The following FRMD4B variants were observed in gnomAD, a reference collection of about 807,000 sequenced individuals.
FRMD4B encodes the protein FERM domain containing 4B, also known as FERM domain-containing protein 4B.
In FRMD4B, 74 loss-of-function variants were observed where a neutral mutation model predicts 141.5. That is an observed-to-expected ratio of 0.52 (90% CI 0.43 to 0.63). The LOEUF (loss-of-function observed/expected upper bound fraction) is 0.63. FRMD4B is among the 30% of genes least tolerant of loss of function. The pLI, the probability that FRMD4B is intolerant of heterozygous loss-of-function variation, is 0.00. For synonymous variants in FRMD4B, 506 were observed against 467.9 expected (o/e 1.08, Z -1.05); for missense variants, 1,366 against 1,253.4 (o/e 1.09, Z -1.36).
In FRMD4B at chr3:69,396,280, G is replaced by A. The variant is rs181913866; in HGVS notation, c.-1+36354C>T. 4.0e-3 allele frequency among the ~76,000 whole-genome samples: 611 copies of A among 152,272 alleles called. 9 individuals carry two copies. Among genetic ancestry groups the A allele is most frequent in the Non-Finnish European group, 6.1e-3 (412 of 68,032 alleles). Reference sequence around the variant, plus strand: ...CCAGCACTCTGGGAGGCCGAGGTGGGTGGATTGCTTGAGGTCGAGTTCTAG... The same window carrying A: ...CCAGCACTCTGGGAGGCCGAGGTGGATGGATTGCTTGAGGTCGAGTTCTAG... On this transcript the variant is annotated intron_variant, in intron 2 of 5. Transcript: ENST00000459638.
At chr3:69,282,792 C>T (rs140068439) in intron 5 of FRMD4B, among the ~76,000 whole-genome samples, 14 of 152,102 alleles carry the variant, frequency 9.2e-5, no homozygotes, top group African/African-American at 3.4e-4. Flanking sequence ...CGCCCACCAC[C>T]ACACCCAGCT....
intron 1 of FRMD4B, among the ~76,000 whole-genome samples, chr3:69,372,678 T>C (rs114635864): frequency 6.3e-4 from 96 of 151,932 alleles, no homozygotes; most frequent in Admixed American, 5.0e-3. Context: ...AACAAATAAA[T>C]AAATAAACAA....
intron 1 of FRMD4B, among the ~76,000 whole-genome samples, chr3:69,381,671 T>A (rs747691153): frequency 1.6e-4 from 24 of 152,174 alleles, no homozygotes; most frequent in Non-Finnish European, 2.2e-4. Context: ...AGCAAAGGGG[T>A]AATCTTATGA....
intron 1 of FRMD4B, among the ~76,000 whole-genome samples, chr3:69,519,349 G>C (rs1386146240): frequency 6.6e-6 from 1 of 152,086 alleles, no homozygotes; most frequent in Non-Finnish European, 1.5e-5. Context: ...AGGGAGTCTG[G>C]TATATCTAAG....
At chr3:69,425,381 G>C (rs1368407066) in intron 2 of FRMD4B, among the ~76,000 whole-genome samples, 2 of 152,162 alleles carry the variant, frequency 1.3e-5, no homozygotes, top group Admixed American at 1.3e-4. Context: ...CTCCCCAAAA[G>C]TGAAGAGAGA....
intron 19 of FRMD4B, 25 bp downstream of exon 19, chr3:69,187,745 C>A: frequency 6.3e-7 from 1 of 1,595,950 alleles, no homozygotes; most frequent in Non-Finnish European, 8.5e-7. Flanking sequence ...GGGGCATTAA[C>A]CTTACTGATG....
intron 11 of FRMD4B, among the ~76,000 whole-genome samples, chr3:69,206,747 T>C (rs577790215): frequency 2.0e-5 from 3 of 152,322 alleles, no homozygotes; most frequent in Admixed American, 1.3e-4. Flanking sequence ...TCTTTCCAGA[T>C]ATATTGGCAG....
chr3:69,250,196 C>G, intron 5 of FRMD4B, 97 bp from the exon 6 acceptor site: 9 of 834,642 alleles, frequency 1.1e-5, no homozygotes, highest in South Asian at 1.1e-4. Flanking sequence ...CTTGGCACCT[C>G]CAGTTTACGA....
chr3:69,194,959 A>G (rs2092884168), intron 16 of FRMD4B, 63 bp downstream of exon 16: 2 of 1,485,252 alleles, frequency 1.3e-6, no homozygotes, highest in African/African-American at 1.4e-5. Context: ...GAAAATGTCC[A>G]CTACACTCAG....
intron 2 of FRMD4B, among the ~76,000 whole-genome samples, chr3:69,401,684 G>T (rs1301588948): frequency 6.6e-6 from 1 of 151,970 alleles, no homozygotes; most frequent in Non-Finnish European, 1.5e-5. Context: ...TGATTAGCTG[G>T]GACCACACGT....
At chr3:69,493,982 T>G (rs904950024) in intron 1 of FRMD4B, among the ~76,000 whole-genome samples, 2 of 152,294 alleles carry the variant, frequency 1.3e-5, no homozygotes. Flanking sequence ...CCTCAAGCCA[T>G]CCTCTCACCT....
intron 19 of FRMD4B, among the ~76,000 whole-genome samples, chr3:69,183,241 G>A (rs2092727625): frequency 6.6e-6 from 1 of 152,018 alleles, no homozygotes; most frequent in Non-Finnish European, 1.5e-5. Flanking sequence ...AATGACCTAT[G>A]GATGCTAAAT....
At chr3:69,419,085 T>C (rs1029498723) in intron 2 of FRMD4B, among the ~76,000 whole-genome samples, 28 of 152,232 alleles carry the variant, frequency 1.8e-4, no homozygotes, top group Admixed American at 9.8e-4. Context: ...TGTGAAATGG[T>C]TGACAGCCAG....
rs2092889814 is a variant in FRMD4B at position 69,195,269 on chromosome 3, T to C, written c.1330A>G (p.Lys444Glu). 2 of 1,613,114 alleles carry C rather than the reference T, an allele frequency of 1.2e-6. No individual in the cohort carries two copies. The highest frequency in any genetic ancestry group is 3.3e-5 in the Admixed American group (2 of 59,798). The change falls in exon 15 of 23, where the codon AAA becomes GAA. Residue 444 changes from lysine (K) to glutamate (E), a missense_variant. Transcript: ENST00000398540. ...EKLLQEKLLK[K>E]VEELKKICLR... ...CAGATCTTCTTAAGCTCCTCAACTT[T>C]TTTCAGAAGTTTTTCTTGTAATAGT...
At chr3:69,396,635 AC>A (rs1704478178) in intron 2 of FRMD4B, among the ~76,000 whole-genome samples, 1 of 152,236 alleles carries the variant, frequency 6.6e-6, no homozygotes, top group Non-Finnish European at 1.5e-5. Flanking sequence ...AATCAAAACC[AC>A]AATGATATAC....
Position 69,169,106 on chromosome 3 carries a change from A to G in FRMD4B, c.*2755T>C, listed in dbSNP as rs2092562761. ...ACAAATATACAATAAATTAACTATT[A>G]TATCTGAGAGTGTTCGGCTAATGGG... On this transcript the variant is annotated 3_prime_UTR_variant, in exon 23 of 23. Coordinates refer to ENST00000398540, the MANE Select transcript of FRMD4B (RefSeq NM_015123.3). Among the ~76,000 whole-genome samples, 1 of 151,746 alleles carries G rather than the reference A, an allele frequency of 6.6e-6. No individual in the cohort carries two copies. Among genetic ancestry groups the G allele is most frequent in the South Asian group, 2.1e-4 (1 of 4,828 alleles).
intron 12 of FRMD4B, 179 bp downstream of exon 12, chr3:69,198,519 G>T: frequency 1.7e-6 from 1 of 585,294 alleles, no homozygotes; most frequent in African/African-American, 1.9e-5. Flanking sequence ...TTGAAAAGCA[G>T]CCTTGCCATT....
chr3:69,507,944 C>T (rs1273192609), intron 1 of FRMD4B, among the ~76,000 whole-genome samples: 1 of 152,062 alleles, frequency 6.6e-6, no homozygotes, highest in Non-Finnish European at 1.5e-5. Flanking sequence ...CATGTTCCTA[C>T]GCAAGGCCAT....
Position 69,188,711 on chromosome 3 carries a change from T to C in FRMD4B, c.1772-794A>G, listed in dbSNP as rs1253427626. On this transcript the variant is annotated intron_variant, in intron 18 of 22. Coordinates refer to ENST00000398540, the MANE Select transcript of FRMD4B (RefSeq NM_015123.3). ...AGCGGAGCTTGCAGTGAGCCGAGAT[T>C]GCGCCACTGCAGTCCGCAGTCCGAC... 3.5e-5 allele frequency among the ~76,000 whole-genome samples: 5 copies of C among 144,028 alleles called. No individual in the cohort carries two copies. The South Asian group carries it at 8.9e-4, about 26-fold the overall frequency. The allele number at this position is 144,028 out of a possible 152,430, so 94.5% of individuals were successfully genotyped here.
Sources: gnomAD v4.1 joint callset for allele counts (sites outside exome capture counted in the v4.1 genomes callset) on GRCh38, gnomAD v4.1.1 for gene constraint, MANE v1.5 for transcripts, NCBI Gene and HGNC (gene_info 2026-07-23, HGNC 2026-07-21) for gene names.